Variants in SPECC1 observed in about 807,000 individuals in gnomAD.
The protein encoded by SPECC1 is cytospin-B.
SPECC1 carries 62 observed loss-of-function variants against 104.1 expected under a neutral mutation model. That is an observed-to-expected ratio of 0.60 (90% CI 0.49 to 0.74). SPECC1 has a LOEUF of 0.74. Among genes scored for constraint, SPECC1 ranks in the 30% least tolerant of loss-of-function variants. The probability of loss-of-function intolerance (pLI) is 0.00; values close to 1 mark genes in which losing one functional copy is unlikely to be tolerated. For synonymous variants in SPECC1, 513 were observed against 501.6 expected (o/e 1.02, Z -0.30); for missense variants, 1,306 against 1,310.5 (o/e 1.00, Z 0.05).
intron 3 of SPECC1, chr17:20,156,330 G>A (rs1002806060): frequency 7.8e-6 from 10 of 1,274,412 alleles, no homozygotes; most frequent in East Asian, 3.2e-5. Flanking sequence ...GGCGCCGACT[G>A]GGGCGAGCGA....
chr17:20,201,365 C>G (rs533061995), intron 3 of SPECC1, among the ~76,000 whole-genome samples: 1 of 151,814 alleles, frequency 6.6e-6, no homozygotes, highest in East Asian at 1.9e-4. Context: ...GCCTGTAGTT[C>G]CAGCTATTCG....
At chr17:20,231,737 G>A in intron 5 of SPECC1, 21 bp from the exon 6 acceptor site, 12 of 1,612,936 alleles carry the variant, frequency 7.4e-6, no homozygotes, top group Non-Finnish European at 1.0e-5. Flanking sequence ...TCTAAGCCCT[G>A]TCTGAATTAT....
rs145067775 is a variant in SPECC1, at chr17:20,292,473, G to A, written c.2941-4488G>A. The stretch of plus-strand genomic sequence containing the variant: ...AGCCTCCTGAGTAGCGGGGATTACA[G>A]GTACCAGCCACCACGCCCAGCTAAT... On this transcript the variant is annotated intron_variant, in intron 12 of 14. Transcript: ENST00000395527. 2.1e-3 allele frequency among the ~76,000 whole-genome samples: 317 copies of A among 152,216 alleles called. 2 individuals are homozygous for A. The highest frequency in any genetic ancestry group is 7.2e-3 in the African/African-American group (299 of 41,530).
At chr17:20,143,325 G>A (rs765184131) in intron 3 of SPECC1, among the ~76,000 whole-genome samples, 5 of 151,172 alleles carry the variant, frequency 3.3e-5, no homozygotes, top group Non-Finnish European at 5.9e-5. Flanking sequence ...AGTCGAGGCT[G>A]TAGTGAGCTG....
intron 12 of SPECC1, among the ~76,000 whole-genome samples, chr17:20,268,120 AAAG>A (rs1236963580): frequency 6.6e-6 from 1 of 152,250 alleles, no homozygotes; most frequent in East Asian, 1.9e-4. Context: ...AGATCAAAAG[AAAG>A]AAGAGTTTAG....
At chr17:20,299,555 CAA>C (rs57493380) in intron 13 of SPECC1, among the ~76,000 whole-genome samples, 4 of 40,368 alleles carry the variant, frequency 9.9e-5, no homozygotes, top group South Asian at 9.5e-4. Context: ...GACCCTGTCT[CAA>C]AAAAAAAAAA....
intron 3 of SPECC1, among the ~76,000 whole-genome samples, chr17:20,163,970 C>G (rs1198274676): frequency 6.6e-6 from 1 of 152,108 alleles, no homozygotes; most frequent in Non-Finnish European, 1.5e-5. Context: ...AAGGTTGACC[C>G]TGTAACTCTT....
intron 1 of SPECC1, among the ~76,000 whole-genome samples, chr17:20,095,396 G>C (rs1456920302): frequency 2.0e-5 from 3 of 152,200 alleles, no homozygotes; most frequent in African/African-American, 7.2e-5. Context: ...GTTTCCACTG[G>C]TAGCAGCATT....
chr17:20,180,193 T>C lies in SPECC1; in HGVS notation c.284-24140T>C, dbSNP rs145523542. ...GCCAGGAAGGAATAAAGAGAAGTAA[T>C]ATCAAATTAGCAAAAGCGAGGAGAG... On this transcript the variant is annotated intron_variant, in intron 3 of 14. Coordinates refer to ENST00000395527, the MANE Select transcript of SPECC1 (RefSeq NM_001243439.2). Among the ~76,000 whole-genome samples, 21 of 152,084 alleles carry C rather than the reference T, an allele frequency of 1.4e-4. No individual in the cohort carries two copies. The East Asian group carries it at 2.9e-3, about 21-fold the overall frequency.
intron 10 of SPECC1, among the ~76,000 whole-genome samples, chr17:20,254,134 CGTGTGTGTGTGTGTGTGTGTGT>C (rs71357419): frequency 7.4e-6 from 1 of 135,898 alleles, no homozygotes; most frequent in Admixed American, 7.2e-5. Context: ...GTTGTTACAC[CGTGTGTGTGTGTGTGTGTGTGT>C]GTGTGTGTGT....
chr17:20,030,192 AT>A (rs2044754043), intron 1 of SPECC1, among the ~76,000 whole-genome samples: 1 of 151,358 alleles, frequency 6.6e-6, no homozygotes, highest in Non-Finnish European at 1.5e-5. Context: ...TATTTTATTT[AT>A]TTTTTTACTG....
At chr17:20,237,175 A>G (rs958610900) in intron 7 of SPECC1, 14 of 1,333,836 alleles carry the variant, frequency 1.0e-5, no homozygotes, top group Non-Finnish European at 1.1e-5. Context: ...TCTGAAAAAA[A>G]CAAAGTACAA....
At chr17:20,046,841 A>G (rs992806543) in intron 1 of SPECC1, among the ~76,000 whole-genome samples, 1 of 140,190 alleles carries the variant, frequency 7.1e-6, no homozygotes, top group Non-Finnish European at 1.5e-5. Context: ...TGCAGGAGAC[A>G]CGTCACAAGG....
At chr17:20,282,090 G>A (rs2040790294) in intron 12 of SPECC1, among the ~76,000 whole-genome samples, 4 of 152,264 alleles carry the variant, frequency 2.6e-5, no homozygotes, top group Admixed American at 2.0e-4. Flanking sequence ...TGCTTGCAAG[G>A]CAACCAGACC....
rs771614573 is a variant in SPECC1 at position 20,117,352 on chromosome 17, G to T, written c.283+6790G>T. Among the ~76,000 whole-genome samples the T allele has an allele frequency of 3.3e-5, 5 of 152,090 alleles. 1 individual carries two copies. ...GCCTTGGAAGAACCTTTCTAAGTAG[G>T]AACAGACACAGAAGCCATAAAGGAA... is the stretch of plus-strand genomic sequence containing the variant. On this transcript the variant is annotated intron_variant, in intron 3 of 14. Coordinates refer to ENST00000395527, the MANE Select transcript of SPECC1 (RefSeq NM_001243439.2).
chr17:20,187,351 A>G (rs887228580), intron 3 of SPECC1, among the ~76,000 whole-genome samples: 1 of 152,062 alleles, frequency 6.6e-6, no homozygotes, highest in Non-Finnish European at 1.5e-5. Flanking sequence ...TCAGCATATC[A>G]CCCTGGTCTC....
intron 3 of SPECC1, chr17:20,112,449 T>A: frequency 2.6e-6 from 2 of 766,174 alleles, no homozygotes; most frequent in East Asian, 4.9e-5. Flanking sequence ...TGATTTTTGC[T>A]GGCAACTTCA....
chr17:20,312,750 A>AG (rs1191763006), intron 14 of SPECC1, among the ~76,000 whole-genome samples: 34 of 152,330 alleles, frequency 2.2e-4, no homozygotes, highest in Admixed American at 9.2e-4. Flanking sequence ...AAATTGTTCT[A>AG]GGTGTACCTG....
chr17:20,054,319 T>C (rs1272816394), intron 1 of SPECC1, among the ~76,000 whole-genome samples: 2 of 152,188 alleles, frequency 1.3e-5, no homozygotes, highest in Admixed American at 1.3e-4. Flanking sequence ...AGCTCCTGTC[T>C]CTCCTGCAGC....
Sources: allele counts gnomAD v4.1 joint callset (sites outside exome capture counted in the v4.1 genomes callset), GRCh38; gene constraint gnomAD v4.1.1; transcripts MANE v1.5; gene names NCBI Gene and HGNC (gene_info 2026-07-23, HGNC 2026-07-21).